IMMP1L: variants seen among roughly 807,000 people sequenced by gnomAD.
IMMP1L encodes inner mitochondrial membrane peptidase subunit 1, also known as mitochondrial inner membrane protease subunit 1.
Under a neutral mutation model 21.8 loss-of-function variants are expected in IMMP1L, and 24 were observed. The observed-to-expected ratio is 1.10, with a 90% CI of 0.80 to 1.55. IMMP1L has a LOEUF of 1.55. Among genes scored for constraint, IMMP1L ranks in the 40% most tolerant of loss-of-function variants. IMMP1L has a pLI of 0.00. For missense variants in IMMP1L, 195 were observed against 200.7 expected, an observed-to-expected ratio of 0.97 and a Z score of 0.17; for synonymous variants, 46 against 62.8, an observed-to-expected ratio of 0.73 and a Z score of 1.26.
chr11:31,476,677 T>C (rs1466588504), intron 1 of IMMP1L, among the ~76,000 whole-genome samples: 3 of 152,090 alleles, frequency 2.0e-5, no homozygotes, highest in East Asian at 1.9e-4. Flanking sequence ...TATGAATAAA[T>C]ATTTTAAAAT....
At chr11:31,473,090 C>T (rs1442601616) in intron 1 of IMMP1L, among the ~76,000 whole-genome samples, 6 of 149,422 alleles carry the variant, frequency 4.0e-5, no homozygotes, top group African/African-American at 1.5e-4. Flanking sequence ...CGCTCTGTCG[C>T]CCAGGCTGGA....
intron 1 of IMMP1L, among the ~76,000 whole-genome samples, chr11:31,488,581 A>G (rs1451119844): frequency 6.6e-6 from 1 of 152,228 alleles, no homozygotes; most frequent in African/African-American, 2.4e-5. Flanking sequence ...CTAGACTGAG[A>G]CATAGAAAGG....
At chr11:31,488,194 T>A (rs1321856744) in intron 1 of IMMP1L, 2 of 150,704 alleles carry the variant, frequency 1.3e-5, no homozygotes, top group East Asian at 1.9e-4. Context: ...AAAAAAAAAA[T>A]AAAGCATGTC....
At chr11:31,441,456 A>G (rs1378169798) in intron 4 of IMMP1L, among the ~76,000 whole-genome samples, 3 of 152,048 alleles carry the variant, frequency 2.0e-5, no homozygotes, top group Admixed American at 2.0e-4. Flanking sequence ...ACTGTCATCA[A>G]ATCTACAGAT....
chr11:31,460,017 C>T (rs988277016), intron 3 of IMMP1L, among the ~76,000 whole-genome samples: 5 of 151,754 alleles, frequency 3.3e-5, no homozygotes, highest in Admixed American at 1.3e-4. Flanking sequence ...ATTATCTGGG[C>T]GCGGCGAGTA....
chr11:31,457,305 T>C (rs1953980447), intron 3 of IMMP1L, among the ~76,000 whole-genome samples: 1 of 152,066 alleles, frequency 6.6e-6, no homozygotes, highest in African/African-American at 2.4e-5. Context: ...TGACAATCTA[T>C]CTGGTAATAA....
intron 1 of IMMP1L, among the ~76,000 whole-genome samples, chr11:31,499,366 A>AAAAACAAAACAAAAC (rs144325871): frequency 0.07 from 10,597 of 150,588 alleles, 1,062 homozygotes; most frequent in African/African-American, 0.21. Context: ...CTCCGTATCA[A>AAAAACAAAACAAAAC]AAAACAAAAC....
chr11:31,483,416 G>A (rs2133761199), intron 1 of IMMP1L, among the ~76,000 whole-genome samples: 1 of 152,020 alleles, frequency 6.6e-6, no homozygotes. Flanking sequence ...ATAATCCAAG[G>A]GAGAAAACTG....
intron 4 of IMMP1L, among the ~76,000 whole-genome samples, chr11:31,456,012 AT>A (rs987341357): frequency 2.4e-4 from 37 of 152,258 alleles, no homozygotes; most frequent in African/African-American, 8.4e-4. Context: ...TTGTCCAATA[AT>A]TTTAGCATCC....
chr11:31,476,085 TAC>T (rs1301112713), intron 1 of IMMP1L, among the ~76,000 whole-genome samples: 2 of 152,108 alleles, frequency 1.3e-5, no homozygotes, highest in Admixed American at 6.5e-5. Flanking sequence ...AATGTGAAAT[TAC>T]ACATAAACCA....
At chr11:31,472,452 T>C (rs1361045108) in intron 1 of IMMP1L, among the ~76,000 whole-genome samples, 1 of 152,230 alleles carries the variant, frequency 6.6e-6, no homozygotes, top group Non-Finnish European at 1.5e-5. Context: ...CCAATGGCCA[T>C]TGCCAGCCTT....
intron 4 of IMMP1L, among the ~76,000 whole-genome samples, chr11:31,435,815 C>T (rs931058404): frequency 6.6e-6 from 1 of 152,110 alleles, no homozygotes; most frequent in African/African-American, 2.4e-5. Flanking sequence ...CCTTTGCTTT[C>T]ATGTCTTCTG....
chr11:31,490,649 A>G (rs540386094), intron 1 of IMMP1L, among the ~76,000 whole-genome samples: 2 of 152,312 alleles, frequency 1.3e-5, no homozygotes, highest in East Asian at 3.9e-4. Flanking sequence ...TAAAATTTGT[A>G]TATAGATTAT....
intron 1 of IMMP1L, among the ~76,000 whole-genome samples, chr11:31,484,147 T>A (rs539884337): frequency 2.6e-5 from 4 of 151,996 alleles, no homozygotes; most frequent in African/African-American, 9.6e-5. Context: ...CTCATTTGAT[T>A]TACAAATAAA....
chr11:31,435,182 C>G (rs1156375176), intron 4 of IMMP1L, among the ~76,000 whole-genome samples: 1 of 152,116 alleles, frequency 6.6e-6, no homozygotes, highest in African/African-American at 2.4e-5. Context: ...ATTATGCAAA[C>G]TAATAAGGCA....
chr11:31,504,876 A>G (rs188693310), intron 1 of IMMP1L, among the ~76,000 whole-genome samples: 1 of 152,302 alleles, frequency 6.6e-6, no homozygotes, highest in Admixed American at 6.5e-5. Context: ...AAAACAGGTA[A>G]AAGAAATCTG....
At chr11:31,506,226 CTT>C (rs548091856) in intron 1 of IMMP1L, among the ~76,000 whole-genome samples, 16 of 131,136 alleles carry the variant, frequency 1.2e-4, no homozygotes, top group Admixed American at 8.1e-5. Context: ...AAACATATAA[CTT>C]TTTTTTTTTT....
Position 31,433,532 on chromosome 11 carries a change from TAG to T in IMMP1L, c.358_359del (p.Leu120ThrfsTer24), listed in dbSNP as rs1213753561. 1 of 1,611,968 alleles carries T rather than the reference TAG, an allele frequency of 6.2e-7. No homozygotes were observed. Among genetic ancestry groups the T allele is most frequent in the Non-Finnish European group, 8.5e-7 (1 of 1,178,756 alleles). On this transcript the variant is annotated frameshift_variant, in exon 5 of 6. Transcript: ENST00000532287. ...AGCACCTGGAATCTGTAGAATTCTG[TAG>T]ATTGTCACCTTCTAACCAAACATGA... ...MGHVWLEGDN[L>X]QNSTDSRCYG... is the part of the protein sequence containing the mutation.
intron 1 of IMMP1L, among the ~76,000 whole-genome samples, chr11:31,467,365 A>C (rs1954392408): frequency 6.6e-6 from 1 of 152,154 alleles, no homozygotes; most frequent in South Asian, 2.1e-4. Flanking sequence ...CTTAGTGCCC[A>C]CATTTTTGGT....
Sources: gnomAD v4.1 joint callset for allele counts (sites outside exome capture counted in the v4.1 genomes callset) on GRCh38, gnomAD v4.1.1 for gene constraint, MANE v1.5 for transcripts, NCBI Gene and HGNC (gene_info 2026-07-23, HGNC 2026-07-21) for gene names.